Variants in EXOC6 observed in about 807,000 individuals in gnomAD.
EXOC6 encodes exocyst complex component 6.
EXOC6 carries 60 observed loss-of-function variants against 112.5 expected under a neutral mutation model. That is an observed-to-expected ratio of 0.53 (90% CI 0.43 to 0.66). The LOEUF (loss-of-function observed/expected upper bound fraction) is 0.66, where lower values mean the gene tolerates loss of function less well. EXOC6 is among the 30% of genes least tolerant of loss of function. EXOC6 has a pLI of 0.00. For missense variants in EXOC6, 855 were observed against 957.1 expected (o/e 0.89, Z 1.41); for synonymous variants, 295 against 308.0 (o/e 0.96, Z 0.44).
intron 1 of EXOC6, among the ~76,000 whole-genome samples, chr10:92,867,548 C>G (rs1318681403): frequency 1.3e-5 from 2 of 152,134 alleles, no homozygotes; most frequent in African/African-American, 4.8e-5. Flanking sequence ...AAGCAGTTTT[C>G]TTGGCTCTGT....
intron 18 of EXOC6, among the ~76,000 whole-genome samples, chr10:92,987,252 T>C (rs1203091117): frequency 6.6e-6 from 1 of 152,230 alleles, no homozygotes; most frequent in Non-Finnish European, 1.5e-5. Context: ...TGAGAATCAC[T>C]GCTCTGTAGC....
chr10:92,915,035 C>G (rs892002226), intron 6 of EXOC6, among the ~76,000 whole-genome samples: 6 of 152,154 alleles, frequency 3.9e-5, no homozygotes, highest in African/African-American at 1.4e-4. Context: ...TGTGGGATAA[C>G]AGCTTCTACA....
chr10:92,861,568 A>G (rs943036862), intron 1 of EXOC6, among the ~76,000 whole-genome samples: 2 of 152,008 alleles, frequency 1.3e-5, no homozygotes, highest in Non-Finnish European at 2.9e-5. Context: ...CAGTTGGGGC[A>G]GGTGTAAGAA....
intron 1 of EXOC6, among the ~76,000 whole-genome samples, chr10:92,878,715 G>A (rs1360526526): frequency 6.6e-6 from 1 of 152,116 alleles, no homozygotes; most frequent in Non-Finnish European, 1.5e-5. Context: ...CTGGTGGGTG[G>A]CGGGGAGAGC....
At chr10:93,033,265 A>G (rs1020937517) in intron 20 of EXOC6, among the ~76,000 whole-genome samples, 3 of 152,198 alleles carry the variant, frequency 2.0e-5, no homozygotes, top group African/African-American at 7.2e-5. Flanking sequence ...GGTAGTCTAG[A>G]CTACAGATGA....
chr10:93,052,611 T>G (rs569965115), intron 20 of EXOC6, among the ~76,000 whole-genome samples: 1 of 152,366 alleles, frequency 6.6e-6, no homozygotes, highest in South Asian at 2.1e-4. Flanking sequence ...CAGATAATCT[T>G]ACAAATCATG....
chr10:93,031,678 A>C (rs1478791140), intron 20 of EXOC6, among the ~76,000 whole-genome samples: 1 of 151,768 alleles, frequency 6.6e-6, no homozygotes, highest in Non-Finnish European at 1.5e-5. Context: ...GCACCCAGCT[A>C]ATTTTTGTAT....
At chr10:93,007,058 A>G (rs567064037) in intron 19 of EXOC6, among the ~76,000 whole-genome samples, 1 of 151,560 alleles carries the variant, frequency 6.6e-6, no homozygotes, top group Admixed American at 6.6e-5. Context: ...ATTGTAAACA[A>G]TCTACATTCT....
chr10:92,934,113 GT>G, intron 9 of EXOC6, 30 bp from the exon 10 acceptor site: 1 of 1,340,350 alleles, frequency 7.5e-7, no homozygotes, highest in African/African-American at 1.5e-5. Context: ...GTATTTATTG[GT>G]TTAAATTGAT....
chr10:93,017,757 A>G (rs1844598405), intron 20 of EXOC6, among the ~76,000 whole-genome samples: 1 of 152,134 alleles, frequency 6.6e-6, no homozygotes, highest in Non-Finnish European at 1.5e-5. Flanking sequence ...CATGCCTGTA[A>G]TCCCAGCACT....
intron 14 of EXOC6, among the ~76,000 whole-genome samples, chr10:92,950,256 T>G (rs1202914506): frequency 6.6e-6 from 1 of 152,166 alleles, no homozygotes; most frequent in African/African-American, 2.4e-5. Context: ...AATTTTCAAT[T>G]AAAACTATTA....
chr10:93,015,578 A>C (rs192033918), intron 20 of EXOC6, among the ~76,000 whole-genome samples: 66 of 152,242 alleles, frequency 4.3e-4, no homozygotes, highest in African/African-American at 1.5e-3. Flanking sequence ...CTAAAAATAC[A>C]AAAAATTAGC....
At chr10:92,886,473 T>G (rs977860293) in intron 1 of EXOC6, among the ~76,000 whole-genome samples, 3 of 152,226 alleles carry the variant, frequency 2.0e-5, no homozygotes, top group Admixed American at 1.3e-4. Context: ...TGAGTCATTC[T>G]CAATTGTTGA....
intron 17 of EXOC6, among the ~76,000 whole-genome samples, chr10:92,973,393 T>C (rs534394474): frequency 9.1e-4 from 139 of 152,314 alleles, no homozygotes; most frequent in Non-Finnish European, 1.5e-3. Flanking sequence ...GATTTAGCTG[T>C]TTTTCTTGAA....
chr10:92,926,995 A>G (rs1340571133), intron 8 of EXOC6, among the ~76,000 whole-genome samples: 2 of 152,210 alleles, frequency 1.3e-5, no homozygotes, highest in African/African-American at 4.8e-5. Flanking sequence ...GGGGGACATT[A>G]TAGCTTATTG....
At position 92,999,032 on chromosome 10, in the gene EXOC6, C is replaced by A. The variant is rs190969238; in HGVS notation, c.2095+1417C>A. Reference sequence around the variant, plus strand: ...AACTACAGGTGTGTGCCAACACACTCAGCTAATTTTTGTATTTTTAGTAGA... The same window carrying A: ...AACTACAGGTGTGTGCCAACACACTAAGCTAATTTTTGTATTTTTAGTAGA... On this transcript the variant is annotated intron_variant, in intron 19 of 21. Coordinates refer to ENST00000260762, the MANE Select transcript of EXOC6 (RefSeq NM_019053.6). Among the ~76,000 whole-genome samples, 421 of 151,978 alleles carry A rather than the reference C, an allele frequency of 2.8e-3. 1 individual carries two copies. The highest frequency in any genetic ancestry group is 9.8e-3 in the African/African-American group (405 of 41,452).
At chr10:92,961,959 G>A (rs1020235569) in intron 17 of EXOC6, among the ~76,000 whole-genome samples, 1 of 152,078 alleles carries the variant, frequency 6.6e-6, no homozygotes, top group South Asian at 2.1e-4. Flanking sequence ...TAAAAATGTA[G>A]CAGCCACTTT....
At chr10:93,057,359 G>C (rs758561189) in intron 21 of EXOC6, among the ~76,000 whole-genome samples, 51 of 151,944 alleles carry the variant, frequency 3.4e-4, no homozygotes, top group Non-Finnish European at 5.3e-4. Context: ...CTATAACTCA[G>C]GAAAGAAGGT....
intron 1 of EXOC6, among the ~76,000 whole-genome samples, chr10:92,829,586 G>C (rs1481925043): frequency 6.6e-6 from 1 of 152,310 alleles, no homozygotes; most frequent in African/African-American, 2.4e-5. Flanking sequence ...GTGAATTGTA[G>C]AGGGGGCACC....
Sources: allele counts gnomAD v4.1 joint callset (sites outside exome capture counted in the v4.1 genomes callset), GRCh38; gene constraint gnomAD v4.1.1; transcripts MANE v1.5; gene names NCBI Gene and HGNC (gene_info 2026-07-23, HGNC 2026-07-21).